Variants in PPIL2 observed in about 807,000 individuals in gnomAD.
PPIL2 encodes RING-type E3 ubiquitin-protein ligase PPIL2.
A neutral mutation model predicts 75.2 loss-of-function variants in PPIL2; 50 were observed. That is an observed-to-expected ratio of 0.66 (90% CI 0.53 to 0.84). The LOEUF is 0.84. Among genes scored for constraint, PPIL2 ranks in the 40% least tolerant of loss-of-function variants. The pLI is 0.00. For synonymous variants in PPIL2, 245 were observed against 258.8 expected (o/e 0.95, Z 0.51); for missense variants, 590 against 685.0 (o/e 0.86, Z 1.55).
chr22:21,679,517 A>T (rs1362360325), intron 6 of PPIL2, among the ~76,000 whole-genome samples: 1 of 151,914 alleles, frequency 6.6e-6, no homozygotes, highest in African/African-American at 2.4e-5. Context: ...TGGGAGGATT[A>T]TTGGAGCTTG....
At chr22:21,677,756 G>A (rs1358504775) in intron 6 of PPIL2, among the ~76,000 whole-genome samples, 1 of 152,204 alleles carries the variant, frequency 6.6e-6, no homozygotes, top group African/African-American at 2.4e-5. Flanking sequence ...TGTGCAGAGA[G>A]CACAACAGGC....
chr22:21,672,559 C>T (rs982322019), intron 5 of PPIL2, among the ~76,000 whole-genome samples, 178 bp downstream of exon 5: 2 of 152,176 alleles, frequency 1.3e-5, no homozygotes, highest in Admixed American at 6.5e-5. Context: ...GAAATGCTTC[C>T]GGCCTGTGCA....
Position 21,690,960 on chromosome 22 carries a change from T to C in PPIL2, c.1139+2111T>C, listed in dbSNP as rs1406147524. 2.3e-5 allele frequency among the ~76,000 whole-genome samples: 3 copies of C among 132,784 alleles called. No individual in the cohort carries two copies. In the South Asian group the frequency reaches 7.1e-4, roughly 32 times the overall value. 87.1% of individuals were successfully genotyped at this position (132,784 alleles called of 152,430 possible). On this transcript the variant is annotated intron_variant, in intron 15 of 19. Coordinates refer to ENST00000398831, the MANE Select transcript of PPIL2 (RefSeq NM_014337.4). ...GACAGATCAGTTGCCACCTTCTCTTTTTTTTTTTTTTTTTTTTTTTTGAGA... is the reference window on the plus strand; with the variant it reads ...GACAGATCAGTTGCCACCTTCTCTTCTTTTTTTTTTTTTTTTTTTTTGAGA...
intron 15 of PPIL2, among the ~76,000 whole-genome samples, chr22:21,692,328 GTA>G (rs1181726840): frequency 2.6e-5 from 4 of 151,666 alleles, no homozygotes; most frequent in Non-Finnish European, 5.9e-5. Context: ...CTAATTTTTT[GTA>G]TTTTTAGTAG....
chr22:21,688,250 C>T (rs1469008724), intron 14 of PPIL2, 144 bp downstream of exon 14: 1 of 1,079,030 alleles, frequency 9.3e-7, no homozygotes, highest in Non-Finnish European at 1.4e-6. Context: ...AGTGCTGTGC[C>T]CCCTCAGGCC....
At position 21,696,136 on chromosome 22, in the gene PPIL2, TTCTCGG is replaced by T; in HGVS notation, c.*650_*655del. Reference sequence around the variant, plus strand: ...GAGCCTAAGCCTCTGCAGGGTGGGCTTCTCGGTCTGTTTTGACAAAACTTCAGGGGC... The same window carrying T: ...GAGCCTAAGCCTCTGCAGGGTGGGCTTCTGTTTTGACAAAACTTCAGGGGC... On this transcript the variant is annotated 3_prime_UTR_variant, in exon 20 of 20. Transcript: ENST00000398831. 1 of 996,734 alleles carries T rather than the reference TTCTCGG, an allele frequency of 1.0e-6. No individual in the cohort carries two copies. The highest frequency in any genetic ancestry group is 1.2e-6 in the Non-Finnish European group (1 of 835,980). 61.7% of individuals were successfully genotyped at this position (996,734 alleles called of 1,614,324 possible). A position where few individuals can be genotyped will look rare whatever the true frequency, so the allele number is the denominator to read the frequency against.
intron 1 of PPIL2, among the ~76,000 whole-genome samples, chr22:21,667,143 TCA>T (rs2066419761): frequency 6.9e-6 from 1 of 145,762 alleles, no homozygotes. Flanking sequence ...TATTCAATCC[TCA>T]GTCCTCATTT....
rs1275342989 is a variant in PPIL2, at chr22:21,669,198, G to A, written c.33-715G>A. ...TTGTTTTTGAGACAGAGTCTCCCCCGTCCCCCAGGCTGGAGTGTAGTGGTG... is the reference window on the plus strand; with the variant it reads ...TTGTTTTTGAGACAGAGTCTCCCCCATCCCCCAGGCTGGAGTGTAGTGGTG... On this transcript the variant is annotated intron_variant, in intron 1 of 19. Coordinates refer to ENST00000398831, the MANE Select transcript of PPIL2 (RefSeq NM_014337.4). 6 of 183,938 alleles carry A rather than the reference G, an allele frequency of 3.3e-5. No homozygotes were observed. In the South Asian group the frequency reaches 4.2e-4, roughly 13 times the overall value. 11.4% of individuals were successfully genotyped at this position (183,938 alleles called of 1,614,324 possible).
intron 15 of PPIL2, among the ~76,000 whole-genome samples, chr22:21,692,079 T>A (rs1026129735): frequency 3.3e-5 from 5 of 151,854 alleles, no homozygotes; most frequent in African/African-American, 1.2e-4. Context: ...CTTTTCAGCC[T>A]CTCTGGCTCT....
rs754133350 is a variant in PPIL2, at chr22:21,687,011, G to A, written c.897+13G>A. 6.3e-7 allele frequency: 1 copy of A among 1,594,208 alleles called. No individual in the cohort carries two copies. Among genetic ancestry groups the A allele is most frequent in the South Asian group, 1.1e-5 (1 of 89,634 alleles). On this transcript the variant is annotated intron_variant, in intron 12 of 19. Transcript: ENST00000398831. ...GCACTGCGACCTGGTGGGTGTGGAGGCCAGCCACTCCCCATGCCCCAAGGT... is the reference window on the plus strand; with the variant it reads ...GCACTGCGACCTGGTGGGTGTGGAGACCAGCCACTCCCCATGCCCCAAGGT...
intron 15 of PPIL2, among the ~76,000 whole-genome samples, chr22:21,693,014 C>T (rs2067746464): frequency 1.3e-5 from 2 of 152,056 alleles, no homozygotes; most frequent in South Asian, 4.2e-4. Context: ...CGTCTCATGG[C>T]AGTGCTGTTG....
chr22:21,677,895 G>C (rs2066944517), intron 6 of PPIL2, among the ~76,000 whole-genome samples: 1 of 152,196 alleles, frequency 6.6e-6, no homozygotes, highest in African/African-American at 2.4e-5. Flanking sequence ...GGGCCGCCCT[G>C]ACCCGCTGCA....
intron 10 of PPIL2, among the ~76,000 whole-genome samples, chr22:21,685,461 C>A (rs1434259998): frequency 6.6e-6 from 1 of 152,116 alleles, no homozygotes; most frequent in Non-Finnish European, 1.5e-5. Flanking sequence ...GCATGGGGAT[C>A]TGGAGCTAGG....
chr22:21,690,892 T>A (rs2067590647), intron 15 of PPIL2, among the ~76,000 whole-genome samples: 1 of 152,164 alleles, frequency 6.6e-6, no homozygotes, highest in Admixed American at 6.5e-5. Flanking sequence ...ATCATTTTAT[T>A]ATTTTTTATT....
rs1242586708 is a variant in PPIL2 at position 21,696,301 on chromosome 22, CCT to C, written c.*812_*813del. Reference sequence around the variant, plus strand: ...CAAGCCTGCCTGGCGTCTCTGTGCCCCTGTGAGAATCTTGAGGGGACCCACAC... The same window carrying C: ...CAAGCCTGCCTGGCGTCTCTGTGCCCGTGAGAATCTTGAGGGGACCCACAC... On this transcript the variant is annotated 3_prime_UTR_variant, in exon 20 of 20. Transcript: ENST00000398831. 1.9e-6 allele frequency: 2 copies of C among 1,049,380 alleles called. No individual in the cohort carries two copies. The highest frequency in any genetic ancestry group is 2.3e-6 in the Non-Finnish European group (2 of 868,690). 65.0% of individuals were successfully genotyped at this position (1,049,380 alleles called of 1,614,324 possible).
At chr22:21,686,131 T>A (rs1742514020) in intron 10 of PPIL2, among the ~76,000 whole-genome samples, 1 of 152,104 alleles carries the variant, frequency 6.6e-6, no homozygotes, top group Admixed American at 6.5e-5. Flanking sequence ...ACCACTGCAC[T>A]CCAGCCTGGG....
In PPIL2 at chr22:21,695,829, G is replaced by A. The variant is rs1437964593; in HGVS notation, c.*339G>A. The A allele has an allele frequency of 8.6e-6, 10 of 1,167,952 alleles. No individual in the cohort carries two copies. Among genetic ancestry groups the A allele is most frequent in the Non-Finnish European group, 6.4e-6 (6 of 935,672 alleles). 72.3% of individuals were successfully genotyped at this position (1,167,952 alleles called of 1,614,324 possible). ...GGAAGGACTGTGTCTCCAGATTGTG[G>A]TTTCCTCTTTAAGACAGGGTCTTGC... On this transcript the variant is annotated 3_prime_UTR_variant, in exon 20 of 20. Coordinates refer to ENST00000398831, the MANE Select transcript of PPIL2 (RefSeq NM_014337.4).
At chr22:21,674,833 A>G (rs995287872) in intron 5 of PPIL2, among the ~76,000 whole-genome samples, 1 of 152,210 alleles carries the variant, frequency 6.6e-6, no homozygotes, top group African/African-American at 2.4e-5. Flanking sequence ...GCTCGGGGTC[A>G]CCCGTGACGG....
chr22:21,680,920 C>T (rs1415390790), intron 6 of PPIL2, among the ~76,000 whole-genome samples: 1 of 150,980 alleles, frequency 6.6e-6, no homozygotes, highest in Non-Finnish European at 1.5e-5. Context: ...AAGAGCTGAC[C>T]AGGGGGCTGG....
Sources: allele counts gnomAD v4.1 joint callset (sites outside exome capture counted in the v4.1 genomes callset), GRCh38; gene constraint gnomAD v4.1.1; transcripts MANE v1.5; gene names NCBI Gene and HGNC (gene_info 2026-07-23, HGNC 2026-07-21).